APLP2: variants seen among roughly 807,000 people sequenced by gnomAD.
APLP2 encodes CDEI box-binding protein.
In APLP2, 53 loss-of-function variants were observed where a neutral mutation model predicts 89.9. That is an observed-to-expected ratio of 0.59 (90% CI 0.47 to 0.74). APLP2 has a LOEUF of 0.74. Ranked by LOEUF, APLP2 falls within the 30% of genes least tolerant of loss-of-function variation. The probability of loss-of-function intolerance (pLI) is 0.00; values close to 1 mark genes in which losing one functional copy is unlikely to be tolerated. For synonymous variants in APLP2, 372 were observed against 348.6 expected, an observed-to-expected ratio of 1.07 and a Z score of -0.75; for missense variants, 973 against 975.9, an observed-to-expected ratio of 1.00 and a Z score of 0.04.
chr11:130,070,582 G>A (rs1940796337), intron 1 of APLP2: 4 of 1,313,332 alleles, frequency 3.0e-6, no homozygotes, highest in Non-Finnish European at 3.9e-6. Context: ...TTGCCAGGTG[G>A]ACGCGGCCCC....
Position 130,123,757 on chromosome 11 carries a change from T to C in APLP2, c.1068T>C (p.Cys356=), listed in dbSNP as rs764964482. 26 of 1,614,140 alleles carry C rather than the reference T, an allele frequency of 1.6e-5. No individual in the cohort carries two copies. In the Admixed American group the frequency reaches 2.3e-4, roughly 14 times the overall value. ...ACAATTTTGAGTCTGAGGATTATTG[T>C]ATGGCTGTGTGTAAAGCGATGAGTA... ...NRNNFESEDY[C]MAVCKAMIPP... is the part of the protein sequence containing the mutation. The change falls in exon 7 of 17, where the codon TGT becomes TGC. Residue 356 remains cysteine (C), a synonymous_variant. Transcript: ENST00000338167. This position sits in a 1 kb window ranked among gnomAD's most constrained non-coding sequence, Gnocchi z 4.0.
At position 130,071,401 on chromosome 11, in the gene APLP2, C is replaced by T. The variant is rs1370845672; in HGVS notation, c.105+1319C>T. 2.0e-5 allele frequency among the ~76,000 whole-genome samples: 3 copies of T among 152,198 alleles called. No individual in the cohort carries two copies. The East Asian group carries it at 5.8e-4, about 29-fold the overall frequency. On this transcript the variant is annotated intron_variant, in intron 1 of 16. Transcript: ENST00000338167. ...AAGAGAAATAGTTAACGTTTATCTACAGAGGATTTTGGATTGCGATTGTTT... is the reference window on the plus strand; with the variant it reads ...AAGAGAAATAGTTAACGTTTATCTATAGAGGATTTTGGATTGCGATTGTTT...
chr11:130,073,855 A>G (rs2135318202), intron 1 of APLP2, among the ~76,000 whole-genome samples: 1 of 152,332 alleles, frequency 6.6e-6, no homozygotes, highest in East Asian at 1.9e-4. Flanking sequence ...TAAAAAAAAG[A>G]AATAACTTTA....
At chr11:130,109,673 T>C in intron 2 of APLP2, 71 bp downstream of exon 2, 2 of 1,465,414 alleles carry the variant, frequency 1.4e-6, no homozygotes, top group Non-Finnish European at 1.8e-6. Context: ...ACCTTAGAAA[T>C]AGATATTCTG....
chr11:130,131,837 T>A (rs188519626), intron 11 of APLP2, among the ~76,000 whole-genome samples: 1 of 152,332 alleles, frequency 6.6e-6, no homozygotes, highest in East Asian at 1.9e-4. Context: ...GGAAGTAGAA[T>A]GCTCCCATTT....
chr11:130,078,158 TTTC>T (rs919524974), intron 1 of APLP2, among the ~76,000 whole-genome samples: 2 of 150,976 alleles, frequency 1.3e-5, no homozygotes, highest in Non-Finnish European at 3.0e-5. Flanking sequence ...TAGTTCAGTT[TTTC>T]TTTCTTTTTT....
At position 130,109,388 on chromosome 11, in the gene APLP2, G is replaced by A. The variant is rs746397855; in HGVS notation, c.106-41G>A. ...CTGAATGACTGTTGCCTCTGTGCTAGCCTTCTTGGAGTAAACCTGCAATTT... is the reference window on the plus strand; with the variant it reads ...CTGAATGACTGTTGCCTCTGTGCTAACCTTCTTGGAGTAAACCTGCAATTT... On this transcript the variant is annotated intron_variant, in intron 1 of 16. Coordinates refer to ENST00000338167, the MANE Select transcript of APLP2 (RefSeq NM_001142276.2). 5.7e-6 allele frequency: 9 copies of A among 1,579,608 alleles called. No homozygotes were observed. In the African/African-American group the frequency reaches 9.5e-5, roughly 17 times the overall value.
At chr11:130,139,340 C>A (rs1416323726) in intron 13 of APLP2, 7 of 152,168 alleles carry the variant, frequency 4.6e-5, no homozygotes, top group African/African-American at 1.7e-4. Flanking sequence ...CTTTGACAAG[C>A]CCAGGGACAG....
At chr11:130,134,266 G>A (rs1251985218) in intron 12 of APLP2, among the ~76,000 whole-genome samples, 1 of 152,240 alleles carries the variant, frequency 6.6e-6, no homozygotes, top group East Asian at 1.9e-4. Context: ...GCTGTGCAGT[G>A]TGAAAACTCG....
intron 1 of APLP2, among the ~76,000 whole-genome samples, chr11:130,106,831 G>A (rs896588812): frequency 1.2e-4 from 19 of 152,066 alleles, no homozygotes; most frequent in Non-Finnish European, 2.1e-4. Flanking sequence ...TGTGATTACC[G>A]GCATCCGCCA....
At chr11:130,119,084 C>T (rs2135919479) in intron 3 of APLP2, among the ~76,000 whole-genome samples, 1 of 152,302 alleles carries the variant, frequency 6.6e-6, no homozygotes, top group South Asian at 2.1e-4. Context: ...AGAGACTCAT[C>T]CATGATGGCG....
chr11:130,115,883 T>C (rs1035459758), intron 3 of APLP2, among the ~76,000 whole-genome samples: 1 of 152,212 alleles, frequency 6.6e-6, no homozygotes, highest in Non-Finnish European at 1.5e-5. Flanking sequence ...AAGGGGTTTA[T>C]TTTTCAATAA....
At chr11:130,136,164 C>T (rs1375036945) in intron 13 of APLP2, among the ~76,000 whole-genome samples, 1 of 152,138 alleles carries the variant, frequency 6.6e-6, no homozygotes, top group African/African-American at 2.4e-5. Flanking sequence ...GGGTCCTAGG[C>T]AGACGTTCTT....
Position 130,141,411 on chromosome 11 carries a change from C to T in APLP2, c.1924-87C>T, listed in dbSNP as rs1346995262. 9.3e-7 allele frequency: 1 copy of T among 1,078,962 alleles called. No individual in the cohort carries two copies. The highest frequency in any genetic ancestry group is 1.5e-5 in the African/African-American group (1 of 64,644). 66.8% of individuals were successfully genotyped at this position (1,078,962 alleles called of 1,614,324 possible). A position where few individuals can be genotyped will look rare whatever the true frequency, so the allele number is the denominator to read the frequency against. ...CAGGTACCTGCTTCCTTCCATCAAG[C>T]AGCAGGTAGCAGAGGAAGGAGGCAG... On this transcript the variant is annotated intron_variant, in intron 14 of 16. Transcript: ENST00000338167. This position sits in a 1 kb window ranked among gnomAD's most constrained non-coding sequence, Gnocchi z 4.2.
At position 130,143,331 on chromosome 11, in the gene APLP2, G is replaced by A. The variant is rs1374013261; in HGVS notation, c.2155-16G>A. The A allele has an allele frequency of 1.2e-6, 2 of 1,611,924 alleles. No homozygotes were observed. Among genetic ancestry groups the A allele is most frequent in the East Asian group, 4.5e-5 (2 of 44,874 alleles). On this transcript the variant is annotated splice_polypyrimidine_tract_variant and intron_variant, in intron 16 of 16. Transcript: ENST00000338167. ...TTCCCAGACACCACAATGACCCTCA[G>A]GTTTTGTTCTTCCAGGTTGATCCAA...
intron 11 of APLP2, among the ~76,000 whole-genome samples, chr11:130,130,745 T>C (rs555788815): frequency 1.3e-5 from 2 of 152,350 alleles, no homozygotes; most frequent in Admixed American, 6.5e-5. Flanking sequence ...GAGGGCCTTA[T>C]AGTAACAACG....
At chr11:130,115,039 T>C (rs2135864500) in intron 3 of APLP2, among the ~76,000 whole-genome samples, 1 of 151,818 alleles carries the variant, frequency 6.6e-6, no homozygotes, top group East Asian at 2.0e-4. Flanking sequence ...GTAGCGTGGA[T>C]CCTTCACTTC....
At chr11:130,076,994 C>T (rs1177791129) in intron 1 of APLP2, among the ~76,000 whole-genome samples, 1 of 152,162 alleles carries the variant, frequency 6.6e-6, no homozygotes, top group African/African-American at 2.4e-5. Flanking sequence ...TTGGGCTTAT[C>T]AGATGGTGAT....
In APLP2 at chr11:130,123,492, C is replaced by T. The variant is rs1950049318; in HGVS notation, c.923-120C>T. On this transcript the variant is annotated intron_variant, in intron 6 of 16. Transcript: ENST00000338167. The surrounding 1 kb of genome is among the most constrained non-coding windows in gnomAD (Gnocchi z 4.0). The stretch of plus-strand genomic sequence containing the variant: ...CTGGAGCTTTCGGCCACCGGGCCTC[C>T]AGGCTCCGTCCAGTCTCAGGCCTCC... The T allele has an allele frequency of 1.8e-6, 2 of 1,122,450 alleles. No homozygotes were observed. Among genetic ancestry groups the T allele is most frequent in the Non-Finnish European group, 2.5e-6 (2 of 806,098 alleles). The allele number at this position is 1,122,450 out of a possible 1,614,324, so 69.5% of individuals were successfully genotyped here.
Sources: allele counts gnomAD v4.1 joint callset (sites outside exome capture counted in the v4.1 genomes callset), GRCh38; gene constraint gnomAD v4.1.1; non-coding constraint Gnocchi (gnomAD v3.1); transcripts MANE v1.5; gene names NCBI Gene and HGNC (gene_info 2026-07-23, HGNC 2026-07-21).